HS6ST3: variants seen among roughly 807,000 people sequenced by gnomAD.
HS6ST3 encodes the protein heparan-sulfate 6-O-sulfotransferase 3.
Under a neutral mutation model 36.7 loss-of-function variants are expected in HS6ST3, and 12 were observed. The ratio of observed to expected loss-of-function variants is 0.33; its 90% CI spans 0.21 to 0.53. The LOEUF (loss-of-function observed/expected upper bound fraction) is 0.53, where lower values mean the gene tolerates loss of function less well. Among genes scored for constraint, HS6ST3 ranks in the 20% least tolerant of loss-of-function variants. The probability of loss-of-function intolerance (pLI) is 0.95; values close to 1 mark genes in which losing one functional copy is unlikely to be tolerated. For synonymous variants in HS6ST3, 240 were observed against 257.5 expected (o/e 0.93, Z 0.65); for missense variants, 584 against 640.9 (o/e 0.91, Z 0.96).
At chr13:96,201,428 G>A (rs970117487) in intron 1 of HS6ST3, among the ~76,000 whole-genome samples, 13 of 151,894 alleles carry the variant, frequency 8.6e-5, no homozygotes, top group African/African-American at 2.9e-4. Flanking sequence ...TAACAAAATA[G>A]CAACATTAAA....
intron 1 of HS6ST3, among the ~76,000 whole-genome samples, chr13:96,261,347 G>A (rs1448429620): frequency 1.3e-5 from 2 of 151,004 alleles, no homozygotes; most frequent in South Asian, 2.1e-4. Context: ...TATACATAAT[G>A]TAGTAATGAT....
chr13:96,164,174 C>T (rs2054150225), intron 1 of HS6ST3, among the ~76,000 whole-genome samples: 1 of 152,132 alleles, frequency 6.6e-6, no homozygotes, highest in Non-Finnish European at 1.5e-5. Flanking sequence ...AAGCCATCTG[C>T]ATCTTTGTCA....
rs776458825 is a variant in HS6ST3 at position 96,091,217 on chromosome 13, T to C, written c.355T>C (p.Ser119Pro). ...EPDPEAPENGSLPRFVPRFNF... is the reference protein window; with the variant it reads ...EPDPEAPENGPLPRFVPRFNF... ...GGACCCCGAGGCCCCGGAAAACGGC[T>C]CCCTGCCCCGATTCGTGCCGCGCTT... The change falls in exon 1 of 2, where the codon TCC becomes CCC. Residue 119 changes from serine (S) to proline (P), a missense_variant. Physicochemically the swap from Ser to Pro is moderately conservative, Grantham distance 74. Transcript: ENST00000376705. 5.1e-6 allele frequency: 8 copies of C among 1,573,102 alleles called. No individual in the cohort carries two copies. In the South Asian group the frequency reaches 9.3e-5, roughly 18 times the overall value.
intron 1 of HS6ST3, among the ~76,000 whole-genome samples, chr13:96,198,250 G>A (rs998728806): frequency 8.5e-5 from 13 of 152,146 alleles, no homozygotes; most frequent in East Asian, 1.9e-4. Context: ...CCTGGCCCAC[G>A]AAACCGCTTT....
chr13:96,445,734 G>A (rs2055694814), intron 1 of HS6ST3, among the ~76,000 whole-genome samples: 1 of 151,796 alleles, frequency 6.6e-6, no homozygotes, highest in African/African-American at 2.4e-5. Flanking sequence ...CAGGCGTGGT[G>A]GTATGTGCCT....
At chr13:96,491,200 T>A (rs2055943566) in intron 1 of HS6ST3, among the ~76,000 whole-genome samples, 1 of 152,082 alleles carries the variant, frequency 6.6e-6, no homozygotes, top group African/African-American at 2.4e-5. Flanking sequence ...TCATTATTTT[T>A]TGCTAACCAA....
intron 1 of HS6ST3, among the ~76,000 whole-genome samples, chr13:96,655,110 T>C (rs1031883524): frequency 6.6e-6 from 1 of 152,130 alleles, no homozygotes; most frequent in Non-Finnish European, 1.5e-5. Context: ...CCTTAGGGCA[T>C]TGTTAAGTTT....
chr13:96,730,663 G>C (rs1375084474), intron 1 of HS6ST3, among the ~76,000 whole-genome samples: 2 of 152,048 alleles, frequency 1.3e-5, no homozygotes, highest in Non-Finnish European at 2.9e-5. Flanking sequence ...GACCTCCCAG[G>C]CTCAAGCAAA....
chr13:96,300,088 ACT>A (rs1370154372), intron 1 of HS6ST3, among the ~76,000 whole-genome samples: 1 of 118,324 alleles, frequency 8.5e-6, no homozygotes, highest in Non-Finnish European at 1.6e-5. Flanking sequence ...ACAGAGTCTC[ACT>A]CTGTCACCCA....
chr13:96,822,527 G>A (rs865797031), intron 1 of HS6ST3, among the ~76,000 whole-genome samples: 1 of 152,216 alleles, frequency 6.6e-6, no homozygotes, highest in Admixed American at 6.5e-5. Flanking sequence ...TGGCATTTTA[G>A]TGAGTTCGAT....
intron 1 of HS6ST3, among the ~76,000 whole-genome samples, chr13:96,385,383 C>A (rs951544435): frequency 7.2e-5 from 11 of 152,040 alleles, no homozygotes; most frequent in Non-Finnish European, 1.3e-4. Context: ...ATTCATACTG[C>A]CACACAGCAT....
intron 1 of HS6ST3, among the ~76,000 whole-genome samples, chr13:96,614,548 T>C (rs1255873069): frequency 6.6e-6 from 1 of 152,030 alleles, no homozygotes; most frequent in East Asian, 1.9e-4. Flanking sequence ...GCATAAATAA[T>C]AGAAGCAGCT....
intron 1 of HS6ST3, among the ~76,000 whole-genome samples, chr13:96,541,641 T>C (rs1168882967): frequency 6.6e-6 from 1 of 152,170 alleles, no homozygotes; most frequent in Non-Finnish European, 1.5e-5. Flanking sequence ...GTAATGAGAA[T>C]GATAACTTTA....
intron 1 of HS6ST3, among the ~76,000 whole-genome samples, chr13:96,727,517 G>T (rs765479984): frequency 2.6e-5 from 4 of 152,028 alleles, no homozygotes; most frequent in Non-Finnish European, 5.9e-5. Flanking sequence ...CTGCTCCAAA[G>T]CCAAAAGTGC....
chr13:96,368,857 C>T (rs1252622541), intron 1 of HS6ST3, among the ~76,000 whole-genome samples: 4 of 152,036 alleles, frequency 2.6e-5, no homozygotes, highest in Non-Finnish European at 4.4e-5. Context: ...TGACACATGC[C>T]GATGTTTATT....
At chr13:96,477,981 T>G (rs1216654950) in intron 1 of HS6ST3, among the ~76,000 whole-genome samples, 1 of 152,096 alleles carries the variant, frequency 6.6e-6, no homozygotes, top group Non-Finnish European at 1.5e-5. Flanking sequence ...AACAAAAACC[T>G]CTTTTTGCCT....
chr13:96,425,052 G>T (rs1566357377), intron 1 of HS6ST3, among the ~76,000 whole-genome samples: 1 of 152,134 alleles, frequency 6.6e-6, no homozygotes, highest in Non-Finnish European at 1.5e-5. Flanking sequence ...GTCAGGAGAG[G>T]GGTAAGTATG....
intron 1 of HS6ST3, among the ~76,000 whole-genome samples, chr13:96,138,992 A>T (rs567080142): frequency 6.6e-6 from 1 of 152,266 alleles, no homozygotes; most frequent in Non-Finnish European, 1.5e-5. Context: ...TAAAATCAGA[A>T]TACATTATTT....
intron 1 of HS6ST3, among the ~76,000 whole-genome samples, chr13:96,667,965 T>C (rs922166119): frequency 6.6e-6 from 1 of 152,190 alleles, no homozygotes; most frequent in South Asian, 2.1e-4. Context: ...AAAATAGCTA[T>C]TTCCAAAGCA....
Sources: gnomAD v4.1 joint callset for allele counts (sites outside exome capture counted in the v4.1 genomes callset) on GRCh38, gnomAD v4.1.1 for gene constraint, MANE v1.5 for transcripts, NCBI Gene and HGNC (gene_info 2026-07-23, HGNC 2026-07-21) for gene names.